Variants in NCOA7 observed in about 807,000 individuals in gnomAD.
The protein encoded by NCOA7 is nuclear receptor coactivator 7.
Under a neutral mutation model 104.3 loss-of-function variants are expected in NCOA7, and 45 were observed. That is an observed-to-expected ratio of 0.43 (90% CI 0.34 to 0.55). The LOEUF (loss-of-function observed/expected upper bound fraction) is 0.55, where lower values mean the gene tolerates loss of function less well. Among genes scored for constraint, NCOA7 ranks in the 20% least tolerant of loss-of-function variants. NCOA7 has a pLI of 0.02. For synonymous variants in NCOA7, 398 were observed against 402.3 expected (o/e 0.99, Z 0.13); for missense variants, 1,041 against 1,119.7 (o/e 0.93, Z 1.00).
intron 2 of NCOA7, among the ~76,000 whole-genome samples, chr6:125,851,323 C>G (rs1327965222): frequency 6.6e-6 from 1 of 152,184 alleles, no homozygotes; most frequent in Non-Finnish European, 1.5e-5. Flanking sequence ...TAGCTTAGCT[C>G]CCACTTATAA....
intron 3 of NCOA7, among the ~76,000 whole-genome samples, chr6:125,861,324 G>A (rs945207060): frequency 2.6e-5 from 4 of 151,852 alleles, no homozygotes; most frequent in African/African-American, 7.3e-5. Flanking sequence ...AAGATTTCAT[G>A]TCCATCATTT....
rs116862942 is a variant in NCOA7 at position 125,929,301 on chromosome 6, C to T, written c.*530C>T. ...TTGTAGTATATTGTCTGAAATGTGT[C>T]GGCAGTTTTTTTTCTTTTAATGTGT... On this transcript the variant is annotated 3_prime_UTR_variant, in exon 16 of 16. Transcript: ENST00000392477. 6.0e-3 allele frequency: 892 copies of T among 148,464 alleles called. 4 individuals carry two copies. Among genetic ancestry groups the T allele is most frequent in the Non-Finnish European group, 7.4e-3 (501 of 67,386 alleles). The allele number at this position is 148,464 out of a possible 1,614,324, so 9.2% of individuals were successfully genotyped here.
At position 125,931,750 on chromosome 6, in the gene NCOA7, CCAA is replaced by C. The variant is rs1364210402; in HGVS notation, c.*2982_*2984del. ...GATATGGTTTGGCTGTGTGTCCCCA[CCAA>C]CATCTCATTGGAATTATAATCCCCA... is the stretch of plus-strand genomic sequence containing the variant. On this transcript the variant is annotated 3_prime_UTR_variant, in exon 16 of 16. Transcript: ENST00000392477. 3.3e-5 allele frequency: 5 copies of C among 152,186 alleles called. No homozygotes were observed. Among genetic ancestry groups the C allele is most frequent in the African/African-American group, 1.2e-4 (5 of 41,424 alleles). The allele number at this position is 152,186 out of a possible 1,614,324, so 9.4% of individuals were successfully genotyped here.
chr6:125,831,346 T>C (rs1779167509), intron 2 of NCOA7, among the ~76,000 whole-genome samples: 1 of 152,346 alleles, frequency 6.6e-6, no homozygotes, highest in Admixed American at 6.5e-5. Flanking sequence ...CTATAGTGGT[T>C]CCTAGAAGTC....
In NCOA7 at chr6:125,889,788, A is replaced by T. The variant is rs1784498254; in HGVS notation, c.1734A>T (p.Pro578=). The T allele has an allele frequency of 6.2e-7, 1 of 1,611,736 alleles. No homozygotes were observed. Among genetic ancestry groups the T allele is most frequent in the Admixed American group, 1.7e-5 (1 of 59,462 alleles). ...CCATAACTGAGGGCAATAAAGAGCC[A>T]GATAAGACCTGGGTGAAAAAGGGAG... ...GDPITEGNKE[P]DKTWVKKGEP... is the part of the protein sequence containing the mutation. The change falls in exon 9 of 16, where the codon CCA becomes CCT. Residue 578 remains proline (P), a synonymous_variant. Transcript: ENST00000392477.
intron 1 of NCOA7, among the ~76,000 whole-genome samples, chr6:125,795,164 A>G (rs1775200915): frequency 6.6e-6 from 1 of 152,230 alleles, no homozygotes; most frequent in Non-Finnish European, 1.5e-5. Flanking sequence ...CACAGTAAGC[A>G]GAAAGATTGG....
chr6:125,864,153 A>G lies in NCOA7; in HGVS notation c.271+8913A>G, dbSNP rs894949837. 2.9e-5 allele frequency among the ~76,000 whole-genome samples: 4 copies of G among 137,862 alleles called. 1 individual carries two copies. Among genetic ancestry groups the G allele is most frequent in the African/African-American group, 1.2e-4 (4 of 33,022 alleles). The allele number at this position is 137,862 out of a possible 152,430, so 90.4% of individuals were successfully genotyped here. A position where few individuals can be genotyped will look rare whatever the true frequency, so the allele number is the denominator to read the frequency against. The stretch of plus-strand genomic sequence containing the variant: ...AGAAGATTTAACTGCAGTAACTATC[A>G]TTGCATTGTTTAAAGTAGCAGGAAT... On this transcript the variant is annotated intron_variant, in intron 3 of 15. Coordinates refer to ENST00000392477, the MANE Select transcript of NCOA7 (RefSeq NM_181782.5).
intron 1 of NCOA7, chr6:125,796,637 CCATT>C (rs947920003): frequency 5.4e-4 from 82 of 151,516 alleles, no homozygotes; most frequent in African/African-American, 1.9e-3. Context: ...AACCATCCAA[CCATT>C]CATTTTTTTC....
At chr6:125,782,021 T>C (rs1774249539) in intron 1 of NCOA7, among the ~76,000 whole-genome samples, 3 of 151,874 alleles carry the variant, frequency 2.0e-5, no homozygotes, top group African/African-American at 7.3e-5. Context: ...TATGAATAGA[T>C]GTTCTGTAAA....
chr6:125,927,959 G>A lies in NCOA7; in HGVS notation c.2619+201G>A, dbSNP rs574890303. On this transcript the variant is annotated intron_variant, in intron 14 of 15. Coordinates refer to ENST00000392477, the MANE Select transcript of NCOA7 (RefSeq NM_181782.5). Reference sequence around the variant, plus strand: ...TGCTCAGGCTGGGATCCAGAGAGTCGCAGGTCAGAGCCACCACGTGTCTGA... The same window carrying A: ...TGCTCAGGCTGGGATCCAGAGAGTCACAGGTCAGAGCCACCACGTGTCTGA... Among the ~76,000 whole-genome samples, 4 of 152,314 alleles carry A rather than the reference G, an allele frequency of 2.6e-5. No individual in the cohort carries two copies. In the South Asian group the frequency reaches 6.2e-4, roughly 24 times the overall value.
At chr6:125,812,103 A>G (rs921313053) in intron 1 of NCOA7, among the ~76,000 whole-genome samples, 2 of 152,220 alleles carry the variant, frequency 1.3e-5, no homozygotes, top group African/African-American at 2.4e-5. Flanking sequence ...AAAAGATAAC[A>G]TAGGGATAAT....
intron 4 of NCOA7, 176 bp downstream of exon 4, chr6:125,875,144 A>G (rs1012841783): frequency 7.7e-6 from 4 of 518,930 alleles, no homozygotes; most frequent in African/African-American, 7.6e-5. Flanking sequence ...TCCCTGGTCA[A>G]TCTCAAATAA....
Position 125,889,742 on chromosome 6 carries a change from C to A in NCOA7, c.1688C>A (p.Ser563Tyr). 1 of 1,612,734 alleles carries A rather than the reference C, an allele frequency of 6.2e-7. No individual in the cohort carries two copies. ...GGAATAGACATTACCCTTAGTAGTT[C>A]TCTTTCCCAGGCGGGTGATCCCATA... ...PGGIDITLSS[S>Y]LSQAGDPITE... The change falls in exon 9 of 16, where the codon TCT becomes TAT. Residue 563 changes from serine (S) to tyrosine (Y), a missense_variant. Ser to Tyr is a moderately radical substitution (Grantham distance 144, BLOSUM62 -2). Transcript: ENST00000392477.
At position 125,922,699 on chromosome 6, in the gene NCOA7, T is replaced by G; in HGVS notation, c.2388T>G (p.Pro796=). 6.2e-7 allele frequency: 1 copy of G among 1,613,280 alleles called. No individual in the cohort carries two copies. The highest frequency in any genetic ancestry group is 2.2e-5 in the East Asian group (1 of 44,870). The change falls in exon 13 of 16, where the codon CCT becomes CCG. Residue 796 remains proline, a synonymous_variant. Transcript: ENST00000392477. ...CTTTGTAGCTGGCCCGACGCCTTCC[T>G]GCAAGGGTGCAAGGGTATCCATGGA... ...MHIEQLARRL[P]ARVQGYPWRL... is the part of the protein sequence containing the mutation.
intron 11 of NCOA7, among the ~76,000 whole-genome samples, chr6:125,919,979 C>G (rs750481801): frequency 5.9e-5 from 9 of 152,184 alleles, no homozygotes; most frequent in Non-Finnish European, 1.3e-4. Context: ...TAATCCTTCA[C>G]TTGATCTTAC....
rs776345126 is a variant in NCOA7 at position 125,815,335 on chromosome 6, T to A, written c.-20T>A. 15 of 1,591,018 alleles carry A rather than the reference T, an allele frequency of 9.4e-6. No homozygotes were observed. The highest frequency in any genetic ancestry group is 5.4e-5 in the African/African-American group (4 of 74,202). ...AAAAGAGGGACTTTTTCAAATACTT[T>A]GCACTTTTGATTGTGTATTATGGAT... is the stretch of plus-strand genomic sequence containing the variant. On this transcript the variant is annotated 5_prime_UTR_variant, in exon 2 of 16. Coordinates refer to ENST00000392477, the MANE Select transcript of NCOA7 (RefSeq NM_181782.5).
At chr6:125,903,296 C>A (rs911460459) in intron 10 of NCOA7, among the ~76,000 whole-genome samples, 12 of 152,142 alleles carry the variant, frequency 7.9e-5, no homozygotes, top group Non-Finnish European at 1.6e-4. Flanking sequence ...AGGTTTCTTC[C>A]CATGCCCTCT....
chr6:125,857,407 A>G (rs1781648794), intron 3 of NCOA7, among the ~76,000 whole-genome samples: 1 of 149,964 alleles, frequency 6.7e-6, no homozygotes, highest in South Asian at 2.1e-4. Flanking sequence ...TCAGCTATAT[A>G]TATACACATA....
At chr6:125,846,535 T>C (rs1160664421) in intron 2 of NCOA7, among the ~76,000 whole-genome samples, 1 of 152,192 alleles carries the variant, frequency 6.6e-6, no homozygotes, top group African/African-American at 2.4e-5. Flanking sequence ...GCAGGGCTGA[T>C]TACAGAGAAA....
Sources: allele counts gnomAD v4.1 joint callset (sites outside exome capture counted in the v4.1 genomes callset), GRCh38; gene constraint gnomAD v4.1.1; transcripts MANE v1.5; gene names NCBI Gene and HGNC (gene_info 2026-07-23, HGNC 2026-07-21).